The following COLQ variants were observed in gnomAD, a reference collection of about 807,000 sequenced individuals.
The protein encoded by COLQ is acetylcholinesterase collagenic tail peptide.
Under a neutral mutation model 69.0 loss-of-function variants are expected in COLQ, and 48 were observed. The ratio of observed to expected loss-of-function variants is 0.70; its 90% CI spans 0.55 to 0.88. The LOEUF is 0.88. Among genes scored for constraint, COLQ ranks in the 40% least tolerant of loss-of-function variants. The pLI, the probability that COLQ is intolerant of heterozygous loss-of-function variation, is 0.00. For synonymous variants in COLQ, 217 were observed against 211.2 expected, an observed-to-expected ratio of 1.03 and a Z score of -0.24; for missense variants, 618 against 594.6, an observed-to-expected ratio of 1.04 and a Z score of -0.41.
At chr3:15,498,057 CA>C (rs745936138) in intron 1 of COLQ, among the ~76,000 whole-genome samples, 4 of 152,164 alleles carry the variant, frequency 2.6e-5, no homozygotes, top group Non-Finnish European at 4.4e-5. Context: ...GCCTCTGAGC[CA>C]AATTACCCAA....
chr3:15,477,285 A>C, intron 5 of COLQ, 88 bp from the exon 6 acceptor site: 2 of 1,240,684 alleles, frequency 1.6e-6, no homozygotes, highest in Non-Finnish European at 2.3e-6. Context: ...CCCAGAGGAG[A>C]CAGTGGGTTC....
intron 10 of COLQ, 110 bp from the exon 11 acceptor site, chr3:15,470,726 G>A (rs1207133499): frequency 4.1e-5 from 42 of 1,023,054 alleles, no homozygotes; most frequent in Non-Finnish European, 6.5e-5. Context: ...TGATCATTCC[G>A]AATCTATGCC....
chr3:15,459,219 A>G (rs942668902), intron 12 of COLQ, among the ~76,000 whole-genome samples: 1 of 152,162 alleles, frequency 6.6e-6, no homozygotes, highest in African/African-American at 2.4e-5. Flanking sequence ...GAACATTAGT[A>G]TATGCTCTGC....
intron 1 of COLQ, among the ~76,000 whole-genome samples, chr3:15,516,321 G>A (rs1473023278): frequency 1.3e-5 from 2 of 152,192 alleles, no homozygotes; most frequent in African/African-American, 2.4e-5. Context: ...TGGCTTCCAG[G>A]CAGGGGAGCA....
At chr3:15,467,966 A>C in intron 11 of COLQ, 1 of 456,706 alleles carries the variant, frequency 2.2e-6, no homozygotes, top group Admixed American at 2.3e-5. Context: ...TTATGGAGGG[A>C]GTTCTTAAGC....
Position 15,488,262 on chromosome 3 carries a change from A to AG in COLQ, c.264dup (p.Ser89LeufsTer45), listed in dbSNP as rs1274430914. On this transcript the variant is annotated frameshift_variant, in exon 3 of 17. Coordinates refer to ENST00000383788, the MANE Select transcript of COLQ (RefSeq NM_005677.4). LOFTEE classifies it high-confidence loss of function. Reference sequence around the variant, plus strand: ...GAGCCTTGCATGCACGGGGACTGCGAGGTCTCCAGTTCCAGCATGAGATTC... The same window carrying AG: ...GAGCCTTGCATGCACGGGGACTGCGAGGGTCTCCAGTTCCAGCATGAGATTC... The AG allele has an allele frequency of 6.2e-7, 1 of 1,613,700 alleles. No individual in the cohort carries two copies. Among genetic ancestry groups the AG allele is most frequent in the South Asian group, 1.1e-5 (1 of 91,090 alleles).
intron 1 of COLQ, among the ~76,000 whole-genome samples, chr3:15,510,145 T>C (rs2062965456): frequency 1.3e-5 from 2 of 151,318 alleles, no homozygotes; most frequent in South Asian, 4.2e-4. Flanking sequence ...CACTGCAGTC[T>C]AGCCTGGGCG....
At position 15,453,824 on chromosome 3, in the gene COLQ, C is replaced by T. The variant is rs374059685; in HGVS notation, c.1298+5G>A. ...GGGAGAGGGAGGGAGGGGAGTCATC[C>T]CTACCCAGGGAGATAGGTCTCGCAT... is the stretch of plus-strand genomic sequence containing the variant. On this transcript the variant is annotated splice_donor_5th_base_variant and intron_variant, in intron 16 of 16. Coordinates refer to ENST00000383788, the MANE Select transcript of COLQ (RefSeq NM_005677.4). The T allele has an allele frequency of 3.1e-6, 5 of 1,595,190 alleles. No individual in the cohort carries two copies. The African/African-American group carries it at 4.0e-5, about 13-fold the overall frequency.
At chr3:15,514,406 A>C (rs535858985) in intron 1 of COLQ, among the ~76,000 whole-genome samples, 7 of 152,224 alleles carry the variant, frequency 4.6e-5, no homozygotes, top group African/African-American at 1.7e-4. Context: ...AAAGCCCTCC[A>C]GGTGATTTCC....
intron 3 of COLQ, among the ~76,000 whole-genome samples, chr3:15,487,056 G>C (rs1387237515): frequency 6.6e-6 from 1 of 152,184 alleles, no homozygotes; most frequent in Non-Finnish European, 1.5e-5. Context: ...TTTACAGAGG[G>C]GAGACCAGGA....
intron 1 of COLQ, among the ~76,000 whole-genome samples, chr3:15,497,036 C>A (rs1224528787): frequency 9.3e-6 from 1 of 107,530 alleles, no homozygotes; most frequent in South Asian, 3.2e-4. Flanking sequence ...GTCCTTTTGC[C>A]TTTTTTTTTT....
At chr3:15,510,963 A>G (rs140263588) in intron 1 of COLQ, among the ~76,000 whole-genome samples, 18 of 152,264 alleles carry the variant, frequency 1.2e-4, no homozygotes, top group East Asian at 9.7e-4. Context: ...AGCTGTGTGA[A>G]TGGGAACTCC....
At chr3:15,496,297 G>A (rs991570490) in intron 1 of COLQ, 2 of 153,836 alleles carry the variant, frequency 1.3e-5, no homozygotes, top group African/African-American at 4.9e-5. Flanking sequence ...CTGACTCCCT[G>A]AAGCTATTTG....
intron 5 of COLQ, chr3:15,478,682 G>A (rs1263675635): frequency 1.5e-5 from 8 of 546,446 alleles, no homozygotes; most frequent in Non-Finnish European, 2.6e-5. Context: ...ATGGGTAGCA[G>A]AGTGAGATGG....
At chr3:15,474,852 C>T (rs1292597737) in intron 8 of COLQ, 73 bp downstream of exon 8, 29 of 1,548,418 alleles carry the variant, frequency 1.9e-5, no homozygotes, top group African/African-American at 2.7e-5. Flanking sequence ...TGGACCCATT[C>T]TCTGCATGTC....
intron 8 of COLQ, 141 bp downstream of exon 8, chr3:15,474,784 G>T: frequency 9.6e-7 from 1 of 1,039,722 alleles, no homozygotes; most frequent in Non-Finnish European, 1.5e-6. Flanking sequence ...TCAGTCCACT[G>T]ACAAAGGGTG....
intron 1 of COLQ, among the ~76,000 whole-genome samples, chr3:15,502,117 T>A (rs2062838691): frequency 8.1e-6 from 1 of 123,428 alleles, no homozygotes; most frequent in Non-Finnish European, 1.7e-5. Flanking sequence ...GCACTGATTT[T>A]TTTTTTTTTT....
In COLQ at chr3:15,451,646, A is replaced by G. The variant is rs188841362; in HGVS notation, c.1366T>C (p.Ter456ArgextTer3). The G allele has an allele frequency of 5.4e-5, 87 of 1,614,136 alleles. 1 individual carries two copies. In the East Asian group the frequency reaches 1.9e-3, roughly 36 times the overall value. Reference protein sequence around the residue: ...IDSTPCRYFT* With the variant: ...IDSTPCRYFTR Reference sequence around the variant, plus strand: ...AGCCCACCTTCTCCTCACGGCCCTCAGGTGAAGTAGCGGCAGGGCGTGGAG... The same window carrying G: ...AGCCCACCTTCTCCTCACGGCCCTCGGGTGAAGTAGCGGCAGGGCGTGGAG... Residue 456 changes from the stop codon to arginine, a stop_lost, in exon 17 of 17, where the codon TGA becomes CGA. Transcript: ENST00000383788.
At chr3:15,497,771 A>C (rs1037761244) in intron 1 of COLQ, among the ~76,000 whole-genome samples, 7 of 152,174 alleles carry the variant, frequency 4.6e-5, no homozygotes, top group Non-Finnish European at 7.4e-5. Flanking sequence ...CTTTGACTTT[A>C]TTGTAGTGAG....
Sources: allele counts gnomAD v4.1 joint callset (sites outside exome capture counted in the v4.1 genomes callset), GRCh38; gene constraint gnomAD v4.1.1; transcripts MANE v1.5; gene names NCBI Gene and HGNC (gene_info 2026-07-23, HGNC 2026-07-21).